The following QSER1 variants were observed in gnomAD, a reference collection of about 807,000 sequenced individuals.
QSER1 encodes the protein glutamine and serine-rich protein 1.
A neutral mutation model predicts 158.5 loss-of-function variants in QSER1; 49 were observed. The ratio of observed to expected loss-of-function variants is 0.31; its 90% CI spans 0.25 to 0.39. The LOEUF (loss-of-function observed/expected upper bound fraction) is 0.39. Ranked by LOEUF, QSER1 falls within the 10% of genes least tolerant of loss-of-function variation. The pLI, the probability that QSER1 is intolerant of heterozygous loss-of-function variation, is 1.00. For missense variants in QSER1, 1,754 were observed against 2,010.3 expected (o/e 0.87, Z 2.44); for synonymous variants, 650 against 715.5 (o/e 0.91, Z 1.46).
At chr11:32,925,623 G>A (rs769717205) in intron 1 of QSER1, among the ~76,000 whole-genome samples, 1 of 151,896 alleles carries the variant, frequency 6.6e-6, no homozygotes, top group Non-Finnish European at 1.5e-5. Flanking sequence ...TGCCTCCTGG[G>A]TTCAAGTGAT....
At chr11:32,902,986 G>C (rs1374782833) in intron 1 of QSER1, among the ~76,000 whole-genome samples, 1 of 152,146 alleles carries the variant, frequency 6.6e-6, no homozygotes, top group Non-Finnish European at 1.5e-5. Context: ...TTAATCATAA[G>C]CTTTCAGGGA....
intron 10 of QSER1, among the ~76,000 whole-genome samples, chr11:32,970,575 T>C (rs1424734703): frequency 6.6e-6 from 1 of 152,104 alleles, no homozygotes; most frequent in East Asian, 1.9e-4. Flanking sequence ...TGGCTAATTT[T>C]TGTGTTTTCA....
intron 4 of QSER1, among the ~76,000 whole-genome samples, chr11:32,940,919 G>A (rs956560679): frequency 6.6e-6 from 1 of 151,172 alleles, no homozygotes; most frequent in Non-Finnish European, 1.5e-5. Flanking sequence ...CTTAATGTCT[G>A]GTTTTATCTT....
intron 12 of QSER1, 184 bp downstream of exon 12, chr11:32,975,527 G>T (rs1449319531): frequency 2.8e-6 from 4 of 1,452,452 alleles, no homozygotes; most frequent in Non-Finnish European, 3.7e-6. Context: ...TTTGTGCTCA[G>T]ATTTACCCGA....
At chr11:32,965,172 C>T (rs544750506) in intron 8 of QSER1, among the ~76,000 whole-genome samples, 1 of 152,134 alleles carries the variant, frequency 6.6e-6, no homozygotes, top group Admixed American at 6.5e-5. Context: ...AGTGCAGTGG[C>T]GCAGTCACAG....
At chr11:32,944,615 TTC>T (rs1169911119) in intron 4 of QSER1, among the ~76,000 whole-genome samples, 37 of 148,944 alleles carry the variant, frequency 2.5e-4, no homozygotes, top group African/African-American at 9.1e-4. Context: ...TTGTTATAAT[TTC>T]TGTTCTTTTA....
chr11:32,958,017 AAAG>A lies in QSER1; in HGVS notation c.4906_4908del (p.Glu1636del), dbSNP rs1852553105. 2 of 1,614,176 alleles carry A rather than the reference AAAG, an allele frequency of 1.2e-6. No individual in the cohort carries two copies. The highest frequency in any genetic ancestry group is 8.5e-7 in the Non-Finnish European group (1 of 1,180,024). On this transcript the variant is annotated inframe_deletion, in exon 8 of 13. Transcript: ENST00000650167. ...ACCACCAAAGAAACGGAAAAAATGG[AAAG>A]AAGAATTTTCATCATCCCAATCTGA... is the stretch of plus-strand genomic sequence containing the variant.
At chr11:32,957,356 G>C (rs1184428369) in intron 7 of QSER1, among the ~76,000 whole-genome samples, 1 of 151,564 alleles carries the variant, frequency 6.6e-6, no homozygotes, top group Non-Finnish European at 1.5e-5. Context: ...GGCCAGGCTG[G>C]TCTTGAACTC....
chr11:32,928,984 T>G (rs1202789570), intron 3 of QSER1, among the ~76,000 whole-genome samples: 1 of 152,212 alleles, frequency 6.6e-6, no homozygotes. Context: ...AGTATATTCA[T>G]GCTGAAACTT....
At chr11:32,944,446 C>T (rs1297330382) in intron 4 of QSER1, among the ~76,000 whole-genome samples, 4 of 151,090 alleles carry the variant, frequency 2.6e-5, no homozygotes, top group Non-Finnish European at 3.0e-5. Context: ...TCTTTGTTCT[C>T]GTTGGTTTCA....
chr11:32,899,825 AT>A (rs1403185303), intron 1 of QSER1, among the ~76,000 whole-genome samples: 1 of 152,176 alleles, frequency 6.6e-6, no homozygotes, highest in Non-Finnish European at 1.5e-5. Context: ...TGTAGTTGCC[AT>A]ATATGTGAGA....
At chr11:32,953,793 T>G in intron 4 of QSER1, 64 bp from the exon 5 acceptor site, 2 of 1,521,580 alleles carry the variant, frequency 1.3e-6, no homozygotes, top group Non-Finnish European at 1.8e-6. Context: ...TGTTTTGAGT[T>G]TTACACAAAA....
In QSER1 at chr11:32,893,488, C is replaced by T. The variant is rs1290047534; in HGVS notation, c.209+154C>T. ...AGCTCGGGGGAGGCGGCTGATGACT[C>T]CTACGGGGTGGTCGCGGGTAGGTGG... On this transcript the variant is annotated intron_variant, in intron 1 of 12. Transcript: ENST00000650167. The surrounding 1 kb of genome is among the most constrained non-coding windows in gnomAD (Gnocchi z 4.7). 6.6e-6 allele frequency among the ~76,000 whole-genome samples: 1 copy of T among 152,138 alleles called. No individual in the cohort carries two copies. The highest frequency in any genetic ancestry group is 2.1e-4 in the South Asian group (1 of 4,828).
In QSER1 at chr11:32,953,957, C is replaced by T. The variant is rs2133581744; in HGVS notation, c.4278C>T (p.His1426=). 1 of 1,614,158 alleles carries T rather than the reference C, an allele frequency of 6.2e-7. No individual in the cohort carries two copies. The highest frequency in any genetic ancestry group is 1.3e-5 in the African/African-American group (1 of 75,056). Residue 1426 remains histidine (H), a synonymous_variant, in exon 5 of 13, where the codon CAC becomes CAT. Transcript: ENST00000650167. The part of the protein sequence containing the change: ...TVGAVKQEPL[H]STSYAVNILE... ...GTGCAGTTAAGCAAGAACCTCTCCACTCTACTTCATATGCAGTAAATATTC... is the reference window on the plus strand; with the variant it reads ...GTGCAGTTAAGCAAGAACCTCTCCATTCTACTTCATATGCAGTAAATATTC...
At chr11:32,901,699 TCA>T (rs1374641834) in intron 1 of QSER1, among the ~76,000 whole-genome samples, 2 of 152,116 alleles carry the variant, frequency 1.3e-5, no homozygotes, top group Non-Finnish European at 2.9e-5. Context: ...ATTGGGGAGC[TCA>T]CCAGAGTAAC....
intron 11 of QSER1, 99 bp downstream of exon 11, chr11:32,973,648 C>T: frequency 8.4e-7 from 1 of 1,189,162 alleles, no homozygotes; most frequent in East Asian, 2.4e-5. Flanking sequence ...ACTATGTTGT[C>T]ATTAAGTGTG....
chr11:32,934,041 C>CT lies in QSER1; in HGVS notation c.2784dup (p.Glu929Ter). The CT allele has an allele frequency of 6.2e-7, 1 of 1,613,828 alleles. No individual in the cohort carries two copies. The highest frequency in any genetic ancestry group is 8.5e-7 in the Non-Finnish European group (1 of 1,179,936). ...TCTGAAGTTATGAAAATGGACCTCT[C>CT]TGAGTCTTCAAAACCATTACAACAA... On this transcript the variant is annotated frameshift_variant, in exon 4 of 13. Transcript: ENST00000650167. LOFTEE classifies it high-confidence loss of function.
At chr11:32,972,752 G>C (rs1376208165) in intron 10 of QSER1, among the ~76,000 whole-genome samples, 1 of 152,062 alleles carries the variant, frequency 6.6e-6, no homozygotes, top group Non-Finnish European at 1.5e-5. Context: ...GGCTTTTAAA[G>C]GATGGAGTGG....
chr11:32,960,816 T>TG (rs1475906380), intron 8 of QSER1, among the ~76,000 whole-genome samples: 2 of 152,182 alleles, frequency 1.3e-5, no homozygotes, highest in Non-Finnish European at 2.9e-5. Flanking sequence ...TTTTGTTCCT[T>TG]GCTTTACATT....
Sources: allele counts gnomAD v4.1 joint callset (sites outside exome capture counted in the v4.1 genomes callset), GRCh38; gene constraint gnomAD v4.1.1; non-coding constraint Gnocchi (gnomAD v3.1); transcripts MANE v1.5; gene names NCBI Gene and HGNC (gene_info 2026-07-23, HGNC 2026-07-21).